The following RNF168 variants were observed in gnomAD, a reference collection of about 807,000 sequenced individuals.
RNF168 encodes E3 ubiquitin-protein ligase RNF168.
A neutral mutation model predicts 34.9 loss-of-function variants in RNF168; 34 were observed. That is an observed-to-expected ratio of 0.97 (90% CI 0.74 to 1.30). The LOEUF (loss-of-function observed/expected upper bound fraction) is 1.30, where lower values mean the gene tolerates loss of function less well. RNF168 is among the 50% of genes most tolerant of loss of function. The probability of loss-of-function intolerance (pLI) is 0.00; values close to 1 mark genes in which losing one functional copy is unlikely to be tolerated. For missense variants in RNF168, 725 were observed against 682.5 expected (o/e 1.06, Z -0.69); for synonymous variants, 264 against 254.7 (o/e 1.04, Z -0.35).
At chr3:196,494,627 T>A (rs551726587) in intron 1 of RNF168, among the ~76,000 whole-genome samples, 1 of 152,106 alleles carries the variant, frequency 6.6e-6, no homozygotes, top group Admixed American at 6.6e-5. Context: ...AATAAAGAGA[T>A]AGTTAAAAAA....
chr3:196,485,489 CA>C (rs63692263), intron 3 of RNF168, among the ~76,000 whole-genome samples: 107,632 of 145,476 alleles, frequency 0.74, 40,842 homozygotes, highest in African/African-American at 0.91. Context: ...ACTCTTGTCT[CA>C]AAAAAAAAAA....
chr3:196,500,909 C>T (rs1577525356), intron 1 of RNF168, among the ~76,000 whole-genome samples: 1 of 151,944 alleles, frequency 6.6e-6, no homozygotes, highest in South Asian at 2.1e-4. Context: ...GAGGGGGTTT[C>T]ACCGTGTTAG....
intron 4 of RNF168, among the ~76,000 whole-genome samples, chr3:196,478,995 CCG>C (rs1232868387): frequency 9.4e-5 from 14 of 149,302 alleles, no homozygotes; most frequent in African/African-American, 3.2e-4. Context: ...GTGTGAGCCA[CCG>C]CACCTGGCCA....
intron 5 of RNF168, among the ~76,000 whole-genome samples, chr3:196,473,712 G>A (rs543042900): frequency 1.1e-4 from 16 of 152,124 alleles, no homozygotes; most frequent in African/African-American, 2.9e-4. Context: ...AAAATTAGCC[G>A]GGCGTGGGGG....
rs1437183389 is a variant in RNF168 at position 196,471,816 on chromosome 3, G to C, written c.*3C>G. 4.4e-6 allele frequency: 7 copies of C among 1,582,262 alleles called. No homozygotes were observed. The highest frequency in any genetic ancestry group is 6.1e-6 in the Non-Finnish European group (7 of 1,151,114). ...GATCACAAAGCACTCCCTTTACCAG[G>C]CCTTACTTTGTGCATCTCTGAAACA... is the stretch of plus-strand genomic sequence containing the variant. On this transcript the variant is annotated 3_prime_UTR_variant, in exon 6 of 6. Coordinates refer to ENST00000318037, the MANE Select transcript of RNF168 (RefSeq NM_152617.4).
At chr3:196,473,121 G>C (rs978077070) in intron 5 of RNF168, among the ~76,000 whole-genome samples, 2 of 152,036 alleles carry the variant, frequency 1.3e-5, no homozygotes, top group African/African-American at 4.8e-5. Flanking sequence ...AAAACCTACA[G>C]ATTAAAACCC....
Position 196,503,250 on chromosome 3 carries a change from G to A in RNF168, c.-77C>T. ...TCCTATTTTCGGCCAACCACAGAGA[G>A]AGCAAAAGCAGTTTTGTGTTTCAGT... On this transcript the variant is annotated 5_prime_UTR_variant, in exon 1 of 6. Coordinates refer to ENST00000318037, the MANE Select transcript of RNF168 (RefSeq NM_152617.4). The A allele has an allele frequency of 1.5e-6, 2 of 1,312,952 alleles. No homozygotes were observed. The highest frequency in any genetic ancestry group is 1.2e-5 in the South Asian group (1 of 82,638). 81.3% of individuals were successfully genotyped at this position (1,312,952 alleles called of 1,614,324 possible). A position where few individuals can be genotyped will look rare whatever the true frequency, so the allele number is the denominator to read the frequency against.
intron 4 of RNF168, among the ~76,000 whole-genome samples, chr3:196,477,118 G>A (rs763285727): frequency 6.6e-6 from 1 of 152,166 alleles, no homozygotes; most frequent in Non-Finnish European, 1.5e-5. Flanking sequence ...GGTTTTAATA[G>A]AATGGAAAAT....
At chr3:196,502,054 G>GAAAAAAAAAAAAAAAAAAAAA (rs554041803) in intron 1 of RNF168, among the ~76,000 whole-genome samples, 2 of 50,056 alleles carry the variant, frequency 4.0e-5, no homozygotes, top group African/African-American at 1.4e-4. Flanking sequence ...AAAAAAATTA[G>GAAAAAAAAAAAAAAAAAAAAA]AAAAAAAAAA....
intron 1 of RNF168, among the ~76,000 whole-genome samples, chr3:196,499,871 G>T (rs1432900694): frequency 6.6e-6 from 1 of 152,152 alleles, no homozygotes; most frequent in East Asian, 1.9e-4. Context: ...TTCCGAAGAT[G>T]ATATACAAAT....
At chr3:196,476,149 T>C (rs991004378) in intron 4 of RNF168, among the ~76,000 whole-genome samples, 1 of 152,036 alleles carries the variant, frequency 6.6e-6, no homozygotes, top group African/African-American at 2.4e-5. Flanking sequence ...CGTGAGCCAC[T>C]GCGCCCAGCG....
At chr3:196,502,192 T>A (rs1207898058) in intron 1 of RNF168, among the ~76,000 whole-genome samples, 4 of 151,498 alleles carry the variant, frequency 2.6e-5, no homozygotes, top group African/African-American at 9.7e-5. Flanking sequence ...AGTTTGGGGC[T>A]CCTGAGTCTA....
intron 1 of RNF168, among the ~76,000 whole-genome samples, chr3:196,502,272 A>T (rs1318661259): frequency 6.6e-6 from 1 of 152,030 alleles, no homozygotes; most frequent in Non-Finnish European, 1.5e-5. Context: ...TCAAGAATTA[A>T]ATGAATGGAG....
Position 196,501,981 on chromosome 3 carries a change from G to A in RNF168, c.301+892C>T, listed in dbSNP as rs560734394. Among the ~76,000 whole-genome samples the A allele has an allele frequency of 9.2e-5, 13 of 141,798 alleles. No homozygotes were observed. The South Asian group carries it at 2.9e-3, about 31-fold the overall frequency. 93.0% of individuals were successfully genotyped at this position (141,798 alleles called of 152,430 possible). A position where few individuals can be genotyped will look rare whatever the true frequency, so the allele number is the denominator to read the frequency against. ...ACTATTGTTTAAAAATGTTTAAAAT[G>A]GCATTTTTTTACAATAAAATAAACG... On this transcript the variant is annotated intron_variant, in intron 1 of 5. Transcript: ENST00000318037.
At chr3:196,494,977 C>T (rs1732702852) in intron 1 of RNF168, among the ~76,000 whole-genome samples, 5 of 152,214 alleles carry the variant, frequency 3.3e-5, no homozygotes. Context: ...GAGCCAAGAT[C>T]GCTCCCTGGC....
chr3:196,475,753 T>A (rs1332002236), intron 4 of RNF168, among the ~76,000 whole-genome samples: 1 of 151,596 alleles, frequency 6.6e-6, no homozygotes, highest in African/African-American at 2.4e-5. Context: ...GGTTTCACCG[T>A]GTTAGCCAGG....
chr3:196,492,591 C>G (rs1432553234), intron 1 of RNF168, among the ~76,000 whole-genome samples: 1 of 151,982 alleles, frequency 6.6e-6, no homozygotes, highest in African/African-American at 2.4e-5. Flanking sequence ...GCCTGGCCAA[C>G]AAGGCAAATA....
chr3:196,477,018 G>A (rs1412941607), intron 4 of RNF168, among the ~76,000 whole-genome samples: 1 of 152,160 alleles, frequency 6.6e-6, no homozygotes, highest in Non-Finnish European at 1.5e-5. Flanking sequence ...TAAGTGTTGG[G>A]ATTACAGGCG....
chr3:196,472,523 G>A lies in RNF168; in HGVS notation c.1012C>T (p.Pro338Ser). Residue 338 changes from proline to serine, a missense_variant, in exon 6 of 6, where the codon CCC (proline) becomes TCC (serine). Pro to Ser is a moderately conservative substitution (Grantham distance 74, BLOSUM62 -1). Transcript: ENST00000318037. The stretch of plus-strand genomic sequence containing the variant: ...ATAACTGCAGTTTCTTTCGAGTAGG[G>A]AACTCTGGTTTTAGGTCGCTCGTGA... ...LSHERPKTRV[P>S]YSKETAVMPC... is the part of the protein sequence containing the mutation. 6.2e-7 allele frequency: 1 copy of A among 1,614,180 alleles called. No homozygotes were observed. Among genetic ancestry groups the A allele is most frequent in the Non-Finnish European group, 8.5e-7 (1 of 1,180,036 alleles).
Sources: gnomAD v4.1 joint callset for allele counts (sites outside exome capture counted in the v4.1 genomes callset) on GRCh38, gnomAD v4.1.1 for gene constraint, MANE v1.5 for transcripts, NCBI Gene and HGNC (gene_info 2026-07-23, HGNC 2026-07-21) for gene names.